Variants in LRFN2 observed in about 807,000 individuals in gnomAD.
LRFN2 encodes the protein leucine rich repeat and fibronectin type III domain containing 2, also known as leucine-rich repeat and fibronectin type-III domain-containing protein 2.
A neutral mutation model predicts 37.3 loss-of-function variants in LRFN2; 18 were observed. The observed-to-expected ratio is 0.48, with a 90% CI of 0.33 to 0.72. LRFN2 has a LOEUF of 0.72. Ranked by LOEUF, LRFN2 falls within the 30% of genes least tolerant of loss-of-function variation. The pLI, the probability that LRFN2 is intolerant of heterozygous loss-of-function variation, is 0.02. For missense variants in LRFN2, 1,006 were observed against 1,060.7 expected, an observed-to-expected ratio of 0.95 and a Z score of 0.72; for synonymous variants, 556 against 466.6, an observed-to-expected ratio of 1.19 and a Z score of -2.47.
At chr6:40,512,537 A>G (rs1362985944) in intron 1 of LRFN2, among the ~76,000 whole-genome samples, 2 of 152,202 alleles carry the variant, frequency 1.3e-5, no homozygotes, top group African/African-American at 2.4e-5. Flanking sequence ...CCCCCAGGCC[A>G]GGCCAAGCCA....
At chr6:40,578,373 AC>A (rs1375045381) in intron 1 of LRFN2, among the ~76,000 whole-genome samples, 1 of 152,100 alleles carries the variant, frequency 6.6e-6, no homozygotes, top group Non-Finnish European at 1.5e-5. Flanking sequence ...GATTCTTGTG[AC>A]CCCTCGCCTG....
At chr6:40,449,469 C>G (rs1355314532) in intron 1 of LRFN2, among the ~76,000 whole-genome samples, 1 of 152,140 alleles carries the variant, frequency 6.6e-6, no homozygotes, top group Non-Finnish European at 1.5e-5. Context: ...ATGTGATGAC[C>G]CACAAGTATC....
chr6:40,555,453 G>A (rs759468710), intron 1 of LRFN2, among the ~76,000 whole-genome samples: 2 of 152,148 alleles, frequency 1.3e-5, no homozygotes, highest in Non-Finnish European at 2.9e-5. Flanking sequence ...GATCACAGAC[G>A]AACAAGTGGC....
chr6:40,574,208 C>T (rs1161203774), intron 1 of LRFN2, among the ~76,000 whole-genome samples: 1 of 152,110 alleles, frequency 6.6e-6, no homozygotes, highest in Non-Finnish European at 1.5e-5. Flanking sequence ...TGCCATGTGC[C>T]AGGTGCTGTA....
intron 2 of LRFN2, among the ~76,000 whole-genome samples, chr6:40,397,071 C>A (rs1222012417): frequency 6.6e-6 from 1 of 152,196 alleles, no homozygotes; most frequent in Non-Finnish European, 1.5e-5. Context: ...AAGCAAGACA[C>A]TTCTGCCTCC....
intron 1 of LRFN2, among the ~76,000 whole-genome samples, chr6:40,460,344 G>A (rs1581723096): frequency 6.6e-6 from 1 of 152,306 alleles, no homozygotes; most frequent in African/African-American, 2.4e-5. Flanking sequence ...TGGAAGAGAT[G>A]CTTCTTTAAT....
At chr6:40,548,440 C>CAAAAAAAAAAAAAAAAAAAAAAAAAAAA (rs67639435) in intron 1 of LRFN2, among the ~76,000 whole-genome samples, 6 of 142,712 alleles carry the variant, frequency 4.2e-5, no homozygotes, top group Admixed American at 2.1e-4. Context: ...GACTCCATCT[C>CAAAAAAAAAAAAAAAAAAAAAAAAAAAA]AAAAAAAAAA....
intron 1 of LRFN2, among the ~76,000 whole-genome samples, chr6:40,435,066 G>T (rs1430379368): frequency 5.6e-4 from 73 of 129,300 alleles, no homozygotes; most frequent in African/African-American, 1.8e-3. Flanking sequence ...GAGAGAGAGA[G>T]AGAGAGAGAG....
intron 1 of LRFN2, among the ~76,000 whole-genome samples, chr6:40,513,278 G>A (rs1353871963): frequency 1.3e-5 from 2 of 150,600 alleles, no homozygotes; most frequent in African/African-American, 4.9e-5. Flanking sequence ...TCATCACCCA[G>A]GCTGAAGTGC....
chr6:40,525,878 C>T (rs1766240933), intron 1 of LRFN2, among the ~76,000 whole-genome samples: 1 of 152,170 alleles, frequency 6.6e-6, no homozygotes, highest in African/African-American at 2.4e-5. Context: ...CAGTCTTCCC[C>T]CAAGTTCTCC....
chr6:40,402,531 CTGAATATTTTCCATG>C (rs1319008637), intron 2 of LRFN2, among the ~76,000 whole-genome samples: 1 of 152,192 alleles, frequency 6.6e-6, no homozygotes, highest in Non-Finnish European at 1.5e-5. Flanking sequence ...AAACACTGTT[CTGAATATTTTCCATG>C]TATTAGTTAA....
intron 1 of LRFN2, among the ~76,000 whole-genome samples, chr6:40,474,657 T>G (rs1432745049): frequency 6.6e-6 from 1 of 152,000 alleles, no homozygotes; most frequent in African/African-American, 2.4e-5. Context: ...ACCTGGCTAA[T>G]TTTTGTATTT....
At chr6:40,566,705 A>C (rs890941083) in intron 1 of LRFN2, among the ~76,000 whole-genome samples, 3 of 150,924 alleles carry the variant, frequency 2.0e-5, no homozygotes, top group Non-Finnish European at 4.4e-5. Flanking sequence ...GGACACAGGA[A>C]GGGGAACATC....
At chr6:40,500,176 A>G (rs1765340700) in intron 1 of LRFN2, among the ~76,000 whole-genome samples, 1 of 152,206 alleles carries the variant, frequency 6.6e-6, no homozygotes, top group Admixed American at 6.5e-5. Context: ...TTCTCCCCGG[A>G]GACCGGGAGG....
intron 1 of LRFN2, among the ~76,000 whole-genome samples, chr6:40,455,973 T>C (rs992689971): frequency 6.6e-6 from 1 of 152,148 alleles, no homozygotes; most frequent in Admixed American, 6.5e-5. Flanking sequence ...TCTTTCTGGC[T>C]TTGATGGTGC....
chr6:40,431,895 G>C lies in LRFN2; in HGVS notation c.1219C>G (p.Arg407Gly). 4 of 1,610,536 alleles carry C rather than the reference G, an allele frequency of 2.5e-6. No homozygotes were observed. Among genetic ancestry groups the C allele is most frequent in the Non-Finnish European group, 2.5e-6 (3 of 1,177,718 alleles). ...SDITGSSKTS[R>G]GGGGSGGGEP... ...CCGCCCCCACTGCCTCCACCTCCCC[G>C]GCTGGTCTTGCTGGAGCCAGTGATG... The change falls in exon 2 of 3, where the codon CGG (arginine) becomes GGG (glycine). Residue 407 changes from arginine to glycine, a missense_variant. Coordinates refer to ENST00000338305, the MANE Select transcript of LRFN2 (RefSeq NM_020737.3).
chr6:40,414,278 AT>A (rs1323955435), intron 2 of LRFN2, among the ~76,000 whole-genome samples: 1 of 152,108 alleles, frequency 6.6e-6, no homozygotes, highest in Non-Finnish European at 1.5e-5. Flanking sequence ...GCTGAGCACT[AT>A]TGAGGCCTCA....
intron 1 of LRFN2, among the ~76,000 whole-genome samples, chr6:40,526,760 A>G (rs1766262665): frequency 6.6e-6 from 1 of 151,852 alleles, no homozygotes; most frequent in South Asian, 2.1e-4. Flanking sequence ...CACACCCACC[A>G]CCTCATTAAC....
intron 1 of LRFN2, among the ~76,000 whole-genome samples, chr6:40,524,401 C>T (rs560585565): frequency 3.8e-4 from 53 of 138,516 alleles, no homozygotes; most frequent in African/African-American, 1.3e-3. Flanking sequence ...CGACCCGCCA[C>T]ACCTCTAACA....
Sources: gnomAD v4.1 joint callset for allele counts (sites outside exome capture counted in the v4.1 genomes callset) on GRCh38, gnomAD v4.1.1 for gene constraint, MANE v1.5 for transcripts, NCBI Gene and HGNC (gene_info 2026-07-23, HGNC 2026-07-21) for gene names.